TTC27: variants seen among roughly 807,000 people sequenced by gnomAD.
The protein encoded by TTC27 is tetratricopeptide repeat domain 27.
Under a neutral mutation model 115.9 loss-of-function variants are expected in TTC27, and 79 were observed. The ratio of observed to expected loss-of-function variants is 0.68; its 90% CI spans 0.57 to 0.82. The LOEUF is 0.82. Ranked by LOEUF, TTC27 falls within the 40% of genes least tolerant of loss-of-function variation. The pLI, the probability that TTC27 is intolerant of heterozygous loss-of-function variation, is 0.00. For synonymous variants in TTC27, 401 were observed against 356.0 expected (o/e 1.13, Z -1.42); for missense variants, 1,054 against 993.1 (o/e 1.06, Z -0.82).
chr2:32,653,593 CA>C (rs762255156), intron 5 of TTC27, among the ~76,000 whole-genome samples: 2,733 of 94,268 alleles, frequency 0.029, 62 homozygotes, highest in African/African-American at 0.1. Context: ...GACTCCATCT[CA>C]AAAAAAAAAA....
rs1671347241 is a variant in TTC27 at position 32,812,485 on chromosome 2, G to A, written c.2197-19G>A. ...AATTCTACTTGTTATTCTGAATGTT[G>A]TTCTTTCTCCTTCCTCAGGCATTCC... On this transcript the variant is annotated intron_variant, in intron 17 of 19. Transcript: ENST00000317907. 6.4e-7 allele frequency: 1 copy of A among 1,554,956 alleles called. No individual in the cohort carries two copies. Among genetic ancestry groups the A allele is most frequent in the Non-Finnish European group, 8.9e-7 (1 of 1,127,626 alleles).
intron 17 of TTC27, 127 bp from the exon 18 acceptor site, chr2:32,812,377 C>T (rs768588162): frequency 7.1e-5 from 47 of 659,760 alleles, no homozygotes; most frequent in Middle Eastern, 2.6e-4. Flanking sequence ...GAGTAATAGA[C>T]GCTGTGCTGT....
chr2:32,784,728 T>G (rs1670292776), intron 15 of TTC27, among the ~76,000 whole-genome samples: 2 of 152,096 alleles, frequency 1.3e-5, no homozygotes, highest in South Asian at 4.1e-4. Flanking sequence ...GAAATTATGA[T>G]TAGGGGGATC....
At chr2:32,798,356 C>T (rs1225715401) in intron 16 of TTC27, among the ~76,000 whole-genome samples, 46 of 150,728 alleles carry the variant, frequency 3.1e-4, no homozygotes, top group African/African-American at 9.8e-4. Flanking sequence ...GCCAAGATGG[C>T]GCCACTGCAC....
chr2:32,754,724 G>A (rs1311084453), intron 12 of TTC27, among the ~76,000 whole-genome samples: 2 of 150,732 alleles, frequency 1.3e-5, no homozygotes, highest in Non-Finnish European at 3.0e-5. Flanking sequence ...GGGGCGGCCG[G>A]GCAGAGGCGT....
chr2:32,820,318 CT>C (rs753401783), intron 19 of TTC27, among the ~76,000 whole-genome samples: 19 of 152,138 alleles, frequency 1.2e-4, no homozygotes, highest in Non-Finnish European at 2.2e-4. Flanking sequence ...AAGGCAATTC[CT>C]TTTTCAGGGA....
intron 5 of TTC27, among the ~76,000 whole-genome samples, chr2:32,663,041 G>A (rs1385270563): frequency 6.6e-6 from 1 of 152,160 alleles, no homozygotes; most frequent in Non-Finnish European, 1.5e-5. Flanking sequence ...CCAAGCTCGA[G>A]TGTCCCAGGT....
intron 9 of TTC27, among the ~76,000 whole-genome samples, chr2:32,694,826 C>A (rs1666930476): frequency 6.6e-6 from 1 of 151,638 alleles, no homozygotes; most frequent in East Asian, 1.9e-4. Context: ...GTGTGCACTG[C>A]CACACCAGGT....
intron 16 of TTC27, among the ~76,000 whole-genome samples, chr2:32,806,115 A>C (rs1441691414): frequency 6.6e-6 from 1 of 152,088 alleles, no homozygotes; most frequent in Non-Finnish European, 1.5e-5. Context: ...TCAATTTTCT[A>C]CTCTTGAGCC....
chr2:32,811,055 A>C lies in TTC27; in HGVS notation c.2030A>C (p.Asp677Ala). The C allele has an allele frequency of 6.2e-7, 1 of 1,614,114 alleles. No homozygotes were observed. The highest frequency in any genetic ancestry group is 8.5e-7 in the Non-Finnish European group (1 of 1,180,012). The change falls in exon 17 of 20, where the codon GAT becomes GCT. Residue 677 changes from aspartate (D) to alanine (A), a missense_variant. By Grantham distance (126) the Asp-to-Ala change is moderately radical (BLOSUM62 -2). Transcript: ENST00000317907. ...AAAATTCTAGTCAGGGCAGTGATTG[A>C]TGGGATGACTGATCGAAGTGGAGAT... Reference protein sequence around the residue: ...VLKILVRAVIDGMTDRSGDVA... With the variant: ...VLKILVRAVIAGMTDRSGDVA...
intron 16 of TTC27, among the ~76,000 whole-genome samples, chr2:32,788,353 C>A (rs1278326058): frequency 6.6e-6 from 1 of 152,080 alleles, no homozygotes; most frequent in Non-Finnish European, 1.5e-5. Flanking sequence ...CCTTAGAAGT[C>A]CTCTAGGGCC....
intron 10 of TTC27, among the ~76,000 whole-genome samples, chr2:32,726,959 A>G (rs1047825803): frequency 7.2e-5 from 11 of 152,186 alleles, no homozygotes; most frequent in Non-Finnish European, 1.5e-4. Flanking sequence ...TTATAAAACC[A>G]TAAGATCCTG....
At chr2:32,783,522 A>G (rs140182325) in intron 15 of TTC27, among the ~76,000 whole-genome samples, 16 of 152,360 alleles carry the variant, frequency 1.1e-4, no homozygotes, top group Admixed American at 4.6e-4. Flanking sequence ...TATTTGACCA[A>G]TGATTGAGAC....
intron 13 of TTC27, among the ~76,000 whole-genome samples, chr2:32,761,566 G>T (rs916592717): frequency 1.3e-5 from 2 of 151,718 alleles, no homozygotes; most frequent in African/African-American, 4.8e-5. Context: ...ACCCCACATT[G>T]CCCTCCTTGT....
At chr2:32,782,523 A>G (rs1286155290) in intron 14 of TTC27, 103 bp from the exon 15 acceptor site, 1 of 892,720 alleles carries the variant, frequency 1.1e-6, no homozygotes, top group African/African-American at 1.7e-5. Context: ...TTGTGGTTTT[A>G]AAGAGCATAT....
intron 16 of TTC27, among the ~76,000 whole-genome samples, chr2:32,793,090 C>T (rs1670590624): frequency 6.6e-6 from 1 of 152,082 alleles, no homozygotes; most frequent in Non-Finnish European, 1.5e-5. Flanking sequence ...ATTATATGAA[C>T]TCAGTGGGAT....
Position 32,811,063 on chromosome 2 carries a change from A to G in TTC27, c.2038A>G (p.Thr680Ala), listed in dbSNP as rs1558356021. ...ILVRAVIDGM[T>A]DRSGDVATGL... ...AGTCAGGGCAGTGATTGATGGGATG[A>G]CTGATCGAAGTGGAGATGTTGCAAC... The change falls in exon 17 of 20, where the codon ACT (threonine) becomes GCT (alanine). Residue 680 changes from threonine to alanine, a missense_variant. Thr to Ala is a moderately conservative substitution (Grantham distance 58, BLOSUM62 0). Coordinates refer to ENST00000317907, the MANE Select transcript of TTC27 (RefSeq NM_017735.5). 6.2e-7 allele frequency: 1 copy of G among 1,614,154 alleles called. No individual in the cohort carries two copies.
chr2:32,664,226 A>T, intron 5 of TTC27, 77 bp from the exon 6 acceptor site: 1 of 1,267,024 alleles, frequency 7.9e-7, no homozygotes, highest in Non-Finnish European at 1.1e-6. Context: ...TACTTTATGT[A>T]TTATAGACTC....
chr2:32,645,680 C>T (rs1664824692), intron 4 of TTC27, among the ~76,000 whole-genome samples: 1 of 152,012 alleles, frequency 6.6e-6, no homozygotes, highest in South Asian at 2.1e-4. Context: ...GATATATCTC[C>T]TAATGCTATC....
Sources: gnomAD v4.1 joint callset for allele counts (sites outside exome capture counted in the v4.1 genomes callset) on GRCh38, gnomAD v4.1.1 for gene constraint, MANE v1.5 for transcripts, NCBI Gene and HGNC (gene_info 2026-07-23, HGNC 2026-07-21) for gene names.